Variants in RBFOX3 observed in about 807,000 individuals in gnomAD.
The protein encoded by RBFOX3 is RNA binding fox-1 homolog 3.
RBFOX3 carries 17 observed loss-of-function variants against 48.7 expected under a neutral mutation model. The observed-to-expected ratio is 0.35, with a 90% CI of 0.24 to 0.52. RBFOX3 has a LOEUF of 0.52. Among genes scored for constraint, RBFOX3 ranks in the 20% least tolerant of loss-of-function variants. The pLI is 0.94. For synonymous variants in RBFOX3, 212 were observed against 209.5 expected (o/e 1.01, Z -0.10); for missense variants, 382 against 497.5 (o/e 0.77, Z 2.21).
rs2062671856 is a variant in RBFOX3 at position 79,243,313 on chromosome 17, G to GT, written c.-73-7509_-73-7508insA. Among the ~76,000 whole-genome samples the GT allele has an allele frequency of 6.6e-6, 1 of 152,112 alleles. No homozygotes were observed. The highest frequency in any genetic ancestry group is 1.5e-5 in the Non-Finnish European group (1 of 68,012). On this transcript the variant is annotated intron_variant, in intron 3 of 14. Coordinates refer to ENST00000693108, the MANE Select transcript of RBFOX3 (RefSeq NM_001350451.2). This position sits in a 1 kb window ranked among gnomAD's most constrained non-coding sequence, Gnocchi z 7.9. The stretch of plus-strand genomic sequence containing the variant: ...AGTGAGCAGGGGGCAAACCAACGTG[G>GT]CCCCAGGAGAAAACCCACTGTACTC...
At chr17:79,108,689 C>T (rs1329794348) in intron 5 of RBFOX3, among the ~76,000 whole-genome samples, 3 of 152,264 alleles carry the variant, frequency 2.0e-5, no homozygotes, top group East Asian at 3.8e-4. Context: ...TCTGGAAGGA[C>T]AGGCTGCTCC....
At chr17:79,600,092 C>T (rs1469753944) in intron 1 of RBFOX3, 1 of 152,224 alleles carries the variant, frequency 6.6e-6, no homozygotes, top group Non-Finnish European at 1.5e-5. Flanking sequence ...CTCAGAAGCC[C>T]AGCTCCCGGC....
At chr17:79,424,637 C>A (rs562883922) in intron 2 of RBFOX3, among the ~76,000 whole-genome samples, 1 of 152,292 alleles carries the variant, frequency 6.6e-6, no homozygotes, top group East Asian at 1.9e-4. Flanking sequence ...GGGCTCGGTC[C>A]AGCCCTGGCT....
intron 4 of RBFOX3, among the ~76,000 whole-genome samples, chr17:79,213,980 T>G (rs1259017827): frequency 6.6e-6 from 1 of 152,186 alleles, no homozygotes; most frequent in Non-Finnish European, 1.5e-5. Flanking sequence ...CCACAGCCCC[T>G]AAACACTCAG....
the RBFOX3 span, among the ~76,000 whole-genome samples, chr17:79,629,333 T>C: frequency 3.2e-4 from 49 of 152,286 alleles, no homozygotes; most frequent in African/African-American, 1.1e-3. Flanking sequence ...CACCTCAGCA[T>C]GCAGGGACTT....
At chr17:79,342,824 G>A (rs773344863) in intron 2 of RBFOX3, among the ~76,000 whole-genome samples, 10 of 152,112 alleles carry the variant, frequency 6.6e-5, no homozygotes, top group Non-Finnish European at 1.0e-4. Context: ...GGAAAACTAG[G>A]GTGAAGAGAC....
At chr17:79,511,953 T>A (rs1451668288) in intron 1 of RBFOX3, among the ~76,000 whole-genome samples, 7 of 147,384 alleles carry the variant, frequency 4.7e-5, no homozygotes, top group African/African-American at 1.5e-4. Context: ...TACAGCCCCA[T>A]GGCCAGGGGA....
intron 2 of RBFOX3, among the ~76,000 whole-genome samples, chr17:79,463,533 C>CCACCTCCACCACCATCACCACTGA (rs2075819352): frequency 1.4e-5 from 2 of 144,496 alleles, no homozygotes; most frequent in Non-Finnish European, 3.0e-5. Flanking sequence ...ATCGCCACTG[C>CCACCTCCACCACCATCACCACTGA]CACCTCCACC....
intron 2 of RBFOX3, among the ~76,000 whole-genome samples, chr17:79,343,588 G>A (rs951467855): frequency 5.3e-5 from 8 of 152,092 alleles, no homozygotes; most frequent in African/African-American, 2.4e-5. Flanking sequence ...TTAGCTTCTT[G>A]AGCAACACCA....
intron 4 of RBFOX3, among the ~76,000 whole-genome samples, chr17:79,156,780 C>T (rs1234028897): frequency 6.6e-6 from 1 of 152,144 alleles, no homozygotes; most frequent in East Asian, 1.9e-4. Flanking sequence ...GCTGGCCGGC[C>T]CCTGAGCTGG....
At chr17:79,614,013 A>G (rs1006656726), upstream of RBFOX3, among the ~76,000 whole-genome samples, 74 of 152,332 alleles carry the variant, frequency 4.9e-4, no homozygotes, top group Non-Finnish European at 8.5e-4. Context: ...ATAAACCCCA[A>G]CGACCTGGAG....
intron 2 of RBFOX3, among the ~76,000 whole-genome samples, chr17:79,408,059 C>T (rs1234741541): frequency 1.3e-5 from 2 of 152,146 alleles, no homozygotes; most frequent in Non-Finnish European, 2.9e-5. Flanking sequence ...TGCCCTGACG[C>T]TTGCCAGCTG....
intron 3 of RBFOX3, among the ~76,000 whole-genome samples, chr17:79,279,215 G>C (rs1221892249): frequency 6.6e-6 from 1 of 152,108 alleles, no homozygotes; most frequent in Non-Finnish European, 1.5e-5. Context: ...AGGAGAAAAA[G>C]ATACAGAATT....
chr17:79,658,745 G>A, the RBFOX3 span, among the ~76,000 whole-genome samples: 2 of 152,130 alleles, frequency 1.3e-5, no homozygotes, highest in Non-Finnish European at 2.9e-5. Flanking sequence ...CGCCTCAGGA[G>A]AATTTTGCTG....
intron 4 of RBFOX3, among the ~76,000 whole-genome samples, chr17:79,201,518 C>T (rs936136384): frequency 3.9e-5 from 6 of 152,180 alleles, no homozygotes; most frequent in African/African-American, 9.7e-5. Flanking sequence ...GGTCCTGAAC[C>T]TTCCTTTCTT....
the RBFOX3 span, among the ~76,000 whole-genome samples, chr17:79,642,857 G>A: frequency 6.6e-6 from 1 of 152,224 alleles, no homozygotes; most frequent in Non-Finnish European, 1.5e-5. Flanking sequence ...TTAAAAGGTG[G>A]AGGTTATCAG....
At chr17:79,250,243 G>A (rs868075555) in intron 3 of RBFOX3, among the ~76,000 whole-genome samples, 5 of 152,152 alleles carry the variant, frequency 3.3e-5, no homozygotes, top group African/African-American at 4.8e-5. Context: ...CCCGGTGAAC[G>A]TCCATCTGCA....
At chr17:79,358,418 C>A (rs992592005) in intron 2 of RBFOX3, among the ~76,000 whole-genome samples, 5 of 152,096 alleles carry the variant, frequency 3.3e-5, no homozygotes, top group African/African-American at 4.8e-5. Context: ...CCACCTCCTC[C>A]ATGAAACCCC....
chr17:79,289,936 C>T (rs1012859922), intron 3 of RBFOX3, among the ~76,000 whole-genome samples: 1 of 152,172 alleles, frequency 6.6e-6, no homozygotes, highest in Non-Finnish European at 1.5e-5. Flanking sequence ...TCCAACCCTA[C>T]CCCTAAAATG....
Sources: gnomAD v4.1 joint callset for allele counts (sites outside exome capture counted in the v4.1 genomes callset) on GRCh38, gnomAD v4.1.1 for gene constraint, Gnocchi (gnomAD v3.1) non-coding constraint, MANE v1.5 for transcripts, NCBI Gene and HGNC (gene_info 2026-07-23, HGNC 2026-07-21) for gene names.